RBBP5: variants seen among roughly 807,000 people sequenced by gnomAD.
RBBP5 encodes the protein RB binding protein 5, histone lysine methyltransferase complex subunit, also known as retinoblastoma-binding protein 5.
A neutral mutation model predicts 72.2 loss-of-function variants in RBBP5; 5 were observed. The ratio of observed to expected loss-of-function variants is 0.07; its 90% CI spans 0.04 to 0.15. The LOEUF is 0.15. Ranked by LOEUF, RBBP5 falls within the 10% of genes least tolerant of loss-of-function variation. The probability of loss-of-function intolerance (pLI) is 1.00; values close to 1 mark genes in which losing one functional copy is unlikely to be tolerated. For synonymous variants in RBBP5, 209 were observed against 237.2 expected, an observed-to-expected ratio of 0.88 and a Z score of 1.09; for missense variants, 322 against 652.2, an observed-to-expected ratio of 0.49 and a Z score of 5.51.
At chr1:205,107,761 C>T (rs1273964186) in intron 3 of RBBP5, among the ~76,000 whole-genome samples, 2 of 151,918 alleles carry the variant, frequency 1.3e-5, no homozygotes, top group African/African-American at 4.8e-5. Flanking sequence ...GCCTGGCCAA[C>T]ATGCTGAAAA....
chr1:205,099,773 C>T lies in RBBP5; in HGVS notation c.946G>A (p.Gly316Arg). Residue 316 changes from glycine (G) to arginine (R), a missense_variant, in exon 9 of 14, where the codon GGA becomes AGA. Gly to Arg is a moderately radical substitution (Grantham distance 125). Transcript: ENST00000264515. The surrounding 1 kb of genome is among the most constrained non-coding windows in gnomAD (Gnocchi z 4.7). The stretch of plus-strand genomic sequence containing the variant: ...TTCTGTGCCCAGATAGATACCACTC[C>T]ACTGGAAATGGATGCTATGATGGGT... ...VRPIIASISS[G>R]VVSIWAQNQV... is the part of the protein sequence containing the mutation. 1.2e-6 allele frequency: 2 copies of T among 1,613,732 alleles called. No homozygotes were observed. The highest frequency in any genetic ancestry group is 1.7e-6 in the Non-Finnish European group (2 of 1,179,648).
intron 1 of RBBP5, among the ~76,000 whole-genome samples, chr1:205,120,614 T>C (rs1250451934): frequency 6.6e-6 from 1 of 152,110 alleles, no homozygotes; most frequent in Non-Finnish European, 1.5e-5. Context: ...AAACCCCATC[T>C]CTGCTAAACA....
At chr1:205,108,550 T>C (rs1214757652) in intron 3 of RBBP5, among the ~76,000 whole-genome samples, 1 of 151,842 alleles carries the variant, frequency 6.6e-6, no homozygotes, top group South Asian at 2.1e-4. Context: ...TAAAGCAAAA[T>C]GGAATTCTAA....
intron 13 of RBBP5, among the ~76,000 whole-genome samples, chr1:205,090,841 T>C (rs1655316378): frequency 6.7e-6 from 1 of 149,926 alleles, no homozygotes; most frequent in Non-Finnish European, 1.5e-5. Context: ...CATAAATTAG[T>C]CTTCACAAGG....
intron 1 of RBBP5, among the ~76,000 whole-genome samples, chr1:205,120,386 C>T (rs887188065): frequency 2.6e-5 from 4 of 152,208 alleles, no homozygotes. Flanking sequence ...CCGATCCCAT[C>T]CCCTGGCATT....
At chr1:205,095,750 T>C (rs1655586307) in intron 12 of RBBP5, among the ~76,000 whole-genome samples, 1 of 152,168 alleles carries the variant, frequency 6.6e-6, no homozygotes, top group African/African-American at 2.4e-5. Context: ...AATTTTCTCC[T>C]TTAAAAAGCA....
chr1:205,121,689 G>T (rs1226942334), intron 1 of RBBP5, among the ~76,000 whole-genome samples, 166 bp downstream of exon 1: 2 of 152,122 alleles, frequency 1.3e-5, no homozygotes, highest in African/African-American at 4.8e-5. Flanking sequence ...AACCTACTCG[G>T]GCAGAAGGTG....
chr1:205,089,374 C>A (rs976142457), intron 13 of RBBP5, among the ~76,000 whole-genome samples: 2 of 152,128 alleles, frequency 1.3e-5, no homozygotes. Context: ...TAAATAATAT[C>A]CTGAATAGTA....
chr1:205,096,641 G>C (rs754993997), intron 12 of RBBP5, 41 bp downstream of exon 12: 5 of 1,573,582 alleles, frequency 3.2e-6, no homozygotes. Context: ...TGAGTAGAAA[G>C]TGGCGTCTGC....
At position 205,099,806 on chromosome 1, in the gene RBBP5, G is replaced by T. The variant is rs1311941100; in HGVS notation, c.913C>A (p.Pro305Thr). The T allele has an allele frequency of 1.2e-6, 2 of 1,613,776 alleles. No homozygotes were observed. The highest frequency in any genetic ancestry group is 2.2e-5 in the South Asian group (2 of 91,070). ...ATGGATGCTATGATGGGTCGAACAG[G>T]ATGCCACTAAATTTTAGTGAAGGAA... ...GELLLDVAWH[P>T]VRPIIASISS... The change falls in exon 9 of 14, where the codon CCT becomes ACT. Residue 305 changes from proline to threonine, a missense_variant. Coordinates refer to ENST00000264515, the MANE Select transcript of RBBP5 (RefSeq NM_005057.4). This position sits in a 1 kb window ranked among gnomAD's most constrained non-coding sequence, Gnocchi z 4.7.
Position 205,099,998 on chromosome 1 carries a change from C to T in RBBP5, c.819G>A (p.Gln273=). ...GEYIVAGSAR[Q]HALYIWEKSI... ...TCTTCTCCCAGATGTACAGGGCATGCTGCCGGGCAGAACCTGCCACGATGT... is the reference window on the plus strand; with the variant it reads ...TCTTCTCCCAGATGTACAGGGCATGTTGCCGGGCAGAACCTGCCACGATGT... Residue 273 remains glutamine, a synonymous_variant, in exon 8 of 14, where the codon CAG becomes CAA. Transcript: ENST00000264515. This position sits in a 1 kb window ranked among gnomAD's most constrained non-coding sequence, Gnocchi z 4.7. 6.2e-7 allele frequency: 1 copy of T among 1,614,202 alleles called. No individual in the cohort carries two copies. Among genetic ancestry groups the T allele is most frequent in the Non-Finnish European group, 8.5e-7 (1 of 1,180,042 alleles).
chr1:205,102,247 A>G (rs995649291), intron 5 of RBBP5, among the ~76,000 whole-genome samples: 1 of 152,188 alleles, frequency 6.6e-6, no homozygotes, highest in African/African-American at 2.4e-5. Context: ...ACCAAAATAT[A>G]GAAGCAACCC....
chr1:205,107,102 A>G (rs940516322), intron 3 of RBBP5, among the ~76,000 whole-genome samples: 2 of 151,688 alleles, frequency 1.3e-5, no homozygotes, highest in African/African-American at 4.8e-5. Flanking sequence ...ACACACACAC[A>G]TATGTATCTA....
At position 205,099,964 on chromosome 1, in the gene RBBP5, T is replaced by C; in HGVS notation, c.853A>G (p.Asn285Asp). 1 of 1,614,214 alleles carries C rather than the reference T, an allele frequency of 6.2e-7. No homozygotes were observed. Among genetic ancestry groups the C allele is most frequent in the Non-Finnish European group, 8.5e-7 (1 of 1,180,046 alleles). ...ALYIWEKSIG[N>D]LVKILHGTRG... ...GTCCCATGGAGAATCTTCACCAGGT[T>C]GCCAATGCTCTTCTCCCAGATGTAC... The change falls in exon 8 of 14, where the codon AAC becomes GAC. Residue 285 changes from asparagine (N) to aspartate (D), a missense_variant. Physicochemically the swap from Asn to Asp is conservative, Grantham distance 23 (BLOSUM62 1). Around this residue, in one of 6 missense-constraint regions of RBBP5, gnomAD observed 161 missense variants for 327.8 expected, o/e 0.49. Coordinates refer to ENST00000264515, the MANE Select transcript of RBBP5 (RefSeq NM_005057.4). The surrounding 1 kb of genome is among the most constrained non-coding windows in gnomAD (Gnocchi z 4.7).
Position 205,111,378 on chromosome 1 carries a change from T to G in RBBP5, c.218+3411A>C, listed in dbSNP as rs979758644. On this transcript the variant is annotated intron_variant, in intron 3 of 13. Coordinates refer to ENST00000264515, the MANE Select transcript of RBBP5 (RefSeq NM_005057.4). ...ACAAGGTTTGTACTCAAACAGCACT[T>G]AAGATCTTACAGGGAAGATACTCTA... Among the ~76,000 whole-genome samples the G allele has an allele frequency of 2.6e-5, 4 of 152,210 alleles. No homozygotes were observed. In the South Asian group the frequency reaches 8.3e-4, roughly 32 times the overall value.
In RBBP5 at chr1:205,087,646, C is replaced by T. The variant is rs932411125; in HGVS notation, c.*1141G>A. ...GAGAAGCTACTGAGCCCTTTTCACA[C>T]CTGGTTTCCTAATGGGATTTTCAGA... is the stretch of plus-strand genomic sequence containing the variant. On this transcript the variant is annotated 3_prime_UTR_variant, in exon 14 of 14. Coordinates refer to ENST00000264515, the MANE Select transcript of RBBP5 (RefSeq NM_005057.4). 1 of 151,588 alleles carries T rather than the reference C, an allele frequency of 6.6e-6. No homozygotes were observed. Among genetic ancestry groups the T allele is most frequent in the Non-Finnish European group, 1.5e-5 (1 of 67,962 alleles). 9.4% of individuals were successfully genotyped at this position (151,588 alleles called of 1,614,324 possible).
intron 6 of RBBP5, 150 bp from the exon 7 acceptor site, chr1:205,100,421 A>C: frequency 2.0e-6 from 2 of 1,001,924 alleles, no homozygotes; most frequent in Non-Finnish European, 2.8e-6. Context: ...CCAAACCAAA[A>C]TACAATTTTA....
rs1041083654 is a variant in RBBP5, at chr1:205,120,768, C to T, written c.19+1087G>A. Among the ~76,000 whole-genome samples, 8 of 150,600 alleles carry T rather than the reference C, an allele frequency of 5.3e-5. 1 individual carries two copies. The highest frequency in any genetic ancestry group is 4.0e-4 in the Admixed American group (6 of 15,044). ...CTGCACTCCAGCCTAGGCGACGGCG[C>T]GAGGCTGTCTTAAAAAAAAAAAAAA... On this transcript the variant is annotated intron_variant, in intron 1 of 13. Coordinates refer to ENST00000264515, the MANE Select transcript of RBBP5 (RefSeq NM_005057.4).
intron 13 of RBBP5, among the ~76,000 whole-genome samples, chr1:205,093,764 A>G (rs1655506818): frequency 6.6e-6 from 1 of 151,866 alleles, no homozygotes; most frequent in African/African-American, 2.4e-5. Context: ...ATAACTGTCT[A>G]TTTCAGCTTC....
Sources: allele counts gnomAD v4.1 joint callset (sites outside exome capture counted in the v4.1 genomes callset), GRCh38; gene constraint gnomAD v4.1.1; regional missense constraint gnomAD v4.1.1; non-coding constraint Gnocchi (gnomAD v3.1); transcripts MANE v1.5; gene names NCBI Gene and HGNC (gene_info 2026-07-23, HGNC 2026-07-21).